The following EIF4E variants were observed in gnomAD, a reference collection of about 807,000 sequenced individuals.
The protein encoded by EIF4E is eIF-4F 25 kDa subunit.
For missense variants in EIF4E, 113 were observed against 265.6 expected, an observed-to-expected ratio of 0.43 and a Z score of 3.99; for synonymous variants, 71 against 88.5, an observed-to-expected ratio of 0.80 and a Z score of 1.11.
intron 2 of EIF4E, among the ~76,000 whole-genome samples, chr4:98,899,899 T>C (rs1724575628): frequency 6.6e-6 from 1 of 151,824 alleles, no homozygotes; most frequent in Non-Finnish European, 1.5e-5. Flanking sequence ...CCATAAAACA[T>C]AGTATTTTTC....
chr4:98,896,737 C>T (rs932366817), intron 2 of EIF4E, among the ~76,000 whole-genome samples: 3 of 143,496 alleles, frequency 2.1e-5, no homozygotes, highest in Non-Finnish European at 4.5e-5. Flanking sequence ...CAGTATTTTG[C>T]GAGGCCGAGG....
chr4:98,908,353 G>A (rs1724969566), intron 1 of EIF4E, among the ~76,000 whole-genome samples: 1 of 152,162 alleles, frequency 6.6e-6, no homozygotes, highest in African/African-American at 2.4e-5. Context: ...CAATGCTACA[G>A]CACCAAATAA....
intron 6 of EIF4E, 137 bp from the exon 7 acceptor site, chr4:98,881,279 C>A (rs1051479041): frequency 1.1e-5 from 16 of 1,423,358 alleles, no homozygotes; most frequent in African/African-American, 1.5e-5. Context: ...ATTAATTATA[C>A]ACCCTTTTCC....
At chr4:98,916,256 A>G (rs950831051) in intron 1 of EIF4E, among the ~76,000 whole-genome samples, 1 of 145,814 alleles carries the variant, frequency 6.9e-6, no homozygotes, top group Non-Finnish European at 1.5e-5. Flanking sequence ...TAACAATTAC[A>G]GGAAGCTATA....
chr4:98,910,943 C>G (rs116753467), intron 1 of EIF4E, among the ~76,000 whole-genome samples: 3,526 of 152,118 alleles, frequency 0.023, 118 homozygotes, highest in African/African-American at 0.081. Flanking sequence ...TTTGGCCCAG[C>G]TGGTCTTGAA....
At chr4:98,922,355 A>G (rs1725681031) in intron 1 of EIF4E, among the ~76,000 whole-genome samples, 1 of 152,138 alleles carries the variant, frequency 6.6e-6, no homozygotes, top group African/African-American at 2.4e-5. Flanking sequence ...CAGGAGTTCG[A>G]GACCAGCCTG....
intron 2 of EIF4E, among the ~76,000 whole-genome samples, chr4:98,898,288 C>T (rs1724502094): frequency 6.6e-6 from 1 of 152,176 alleles, no homozygotes. Flanking sequence ...GCAGAAACAG[C>T]TATGAAAATC....
chr4:98,894,928 G>A (rs1724309875), intron 2 of EIF4E, among the ~76,000 whole-genome samples: 1 of 152,174 alleles, frequency 6.6e-6, no homozygotes, highest in Non-Finnish European at 1.5e-5. Context: ...ACATGTAGAG[G>A]CCACTGTAGG....
At position 98,885,035 on chromosome 4, in the gene EIF4E, A is replaced by G. The variant is rs1249297769; in HGVS notation, c.426T>C (p.Phe142=). ...ETLLCLIGES[F]DDYSDDVCGA... ...CACATACATCATCACTGTAGTCATC[A>G]AAAGATTCTCCAATAAGGCACAGAA... Residue 142 remains phenylalanine, a synonymous_variant, in exon 6 of 7, where the codon TTT becomes TTC. Coordinates refer to ENST00000450253, the MANE Select transcript of EIF4E (RefSeq NM_001968.5). 1 of 1,613,446 alleles carries G rather than the reference A, an allele frequency of 6.2e-7. No homozygotes were observed. Among genetic ancestry groups the G allele is most frequent in the South Asian group, 1.1e-5 (1 of 90,984 alleles).
chr4:98,888,951 G>C (rs1724034743), intron 3 of EIF4E, among the ~76,000 whole-genome samples: 1 of 151,994 alleles, frequency 6.6e-6, no homozygotes, highest in African/African-American at 2.4e-5. Flanking sequence ...ATGAGGTCAG[G>C]AGTTCGAGAC....
At chr4:98,909,407 C>A in intron 1 of EIF4E, 1 of 406,346 alleles carries the variant, frequency 2.5e-6, no homozygotes, top group Non-Finnish European at 4.4e-6. Flanking sequence ...TTAAATCAGG[C>A]AAAGAAATGT....
chr4:98,906,293 T>C (rs1025777008), intron 1 of EIF4E, among the ~76,000 whole-genome samples: 21 of 152,214 alleles, frequency 1.4e-4, no homozygotes, highest in Admixed American at 1.3e-3. Context: ...TTGGCACTAA[T>C]AATGGTTTGA....
chr4:98,888,626 T>G (rs1724019823), intron 3 of EIF4E, among the ~76,000 whole-genome samples: 1 of 152,200 alleles, frequency 6.6e-6, no homozygotes, highest in Non-Finnish European at 1.5e-5. Context: ...AATAACAGAA[T>G]AACATTTGCG....
At position 98,879,970 on chromosome 4, in the gene EIF4E, A is replaced by G. The variant is rs1369245527; in HGVS notation, c.*1058T>C. On this transcript the variant is annotated 3_prime_UTR_variant, in exon 7 of 7. Coordinates refer to ENST00000450253, the MANE Select transcript of EIF4E (RefSeq NM_001968.5). The stretch of plus-strand genomic sequence containing the variant: ...ATGCTGTTCACATGGAAGACACCAC[A>G]AAAGAAGACATAATATAGAGACTGC... 1 of 152,450 alleles carries G rather than the reference A, an allele frequency of 6.6e-6. No individual in the cohort carries two copies. The highest frequency in any genetic ancestry group is 1.5e-5 in the Non-Finnish European group (1 of 68,008). The allele number at this position is 152,450 out of a possible 1,614,324, so 9.4% of individuals were successfully genotyped here.
chr4:98,890,941 C>A, intron 3 of EIF4E: 1 of 416,992 alleles, frequency 2.4e-6, no homozygotes, highest in South Asian at 2.6e-5. Context: ...ATCTTGGCAA[C>A]CAGGAGTGGA....
At chr4:98,902,191 C>A (rs1479045815) in intron 1 of EIF4E, among the ~76,000 whole-genome samples, 1 of 152,162 alleles carries the variant, frequency 6.6e-6, no homozygotes, top group East Asian at 1.9e-4. Flanking sequence ...CCTGCCTCAG[C>A]CTCCTAAGTA....
At position 98,901,921 on chromosome 4, in the gene EIF4E, T is replaced by G; in HGVS notation, c.80A>C (p.Glu27Ala). 6.2e-7 allele frequency: 1 copy of G among 1,612,864 alleles called. No homozygotes were observed. Among genetic ancestry groups the G allele is most frequent in the South Asian group, 1.1e-5 (1 of 91,018 alleles). The change falls in exon 2 of 7, where the codon GAG becomes GCG. Residue 27 changes from glutamate (E) to alanine (A), a missense_variant. By Grantham distance (107) the Glu-to-Ala change is moderately radical. Transcript: ENST00000450253. ...TEEEKTESNQ[E>A]VANPEHYIKH... Reference sequence around the variant, plus strand: ...AATATAGTGTTCTGGGTTAGCAACCTCCTGATTAGATTCCGTTTTCTCCTC... The same window carrying G: ...AATATAGTGTTCTGGGTTAGCAACCGCCTGATTAGATTCCGTTTTCTCCTC...
Position 98,915,313 on chromosome 4 carries a change from A to C in EIF4E, c.19-13331T>G, listed in dbSNP as rs1725330007. Among the ~76,000 whole-genome samples the C allele has an allele frequency of 2.6e-5, 4 of 152,278 alleles. No individual in the cohort carries two copies. The South Asian group carries it at 8.3e-4, about 32-fold the overall frequency. On this transcript the variant is annotated intron_variant, in intron 1 of 6. Transcript: ENST00000450253. ...AGGTACGAAGAAGGATATGGTTAAA[A>C]AAAAAAAGAGAAGTTCACAAACAAG... is the stretch of plus-strand genomic sequence containing the variant.
intron 5 of EIF4E, chr4:98,886,785 T>A: frequency 2.6e-6 from 1 of 385,556 alleles, no homozygotes; most frequent in Non-Finnish European, 4.9e-6. Flanking sequence ...AAAACTTCAA[T>A]CATACAAAAT....
Sources: allele counts gnomAD v4.1 joint callset (sites outside exome capture counted in the v4.1 genomes callset), GRCh38; gene constraint gnomAD v4.1.1; transcripts MANE v1.5; gene names NCBI Gene and HGNC (gene_info 2026-07-23, HGNC 2026-07-21).